The following OGFOD3 variants were observed in gnomAD, a reference collection of about 807,000 sequenced individuals.
The protein encoded by OGFOD3 is 2-oxoglutarate and iron dependent oxygenase domain containing 3, also known as 2-oxoglutarate and iron-dependent oxygenase domain-containing protein 3.
In OGFOD3, 35 loss-of-function variants were observed where a neutral mutation model predicts 39.8. That is an observed-to-expected ratio of 0.88 (90% CI 0.67 to 1.17). The LOEUF (loss-of-function observed/expected upper bound fraction) is 1.17. OGFOD3 is among the 50% of genes most tolerant of loss of function. The pLI is 0.00. For missense variants in OGFOD3, 438 were observed against 454.5 expected, an observed-to-expected ratio of 0.96 and a Z score of 0.33; for synonymous variants, 200 against 192.0, an observed-to-expected ratio of 1.04 and a Z score of -0.34.
intron 8 of OGFOD3, chr17:82,394,450 C>T (rs768281717): frequency 1.2e-6 from 2 of 1,613,828 alleles, no homozygotes; most frequent in African/African-American, 1.3e-5. Flanking sequence ...CCCCGGAGGA[C>T]ACCTGACTCC....
rs192232922 is a variant in OGFOD3 at position 82,393,973 on chromosome 17, C to T, written c.824-1439G>A. On this transcript the variant is annotated intron_variant, in intron 8 of 8. Coordinates refer to ENST00000313056, the MANE Select transcript of OGFOD3 (RefSeq NM_024648.3). The stretch of plus-strand genomic sequence containing the variant: ...GGCTCAGACGGAGATGAGATCAATA[C>T]GGGGCCAGAAAAGGACTTTTTTTTT... 7.9e-5 allele frequency: 12 copies of T among 152,688 alleles called. No homozygotes were observed. In the East Asian group the frequency reaches 1.7e-3, roughly 22 times the overall value. The allele number at this position is 152,688 out of a possible 1,614,324, so 9.5% of individuals were successfully genotyped here. A position where few individuals can be genotyped will look rare whatever the true frequency, so the allele number is the denominator to read the frequency against.
In OGFOD3 at chr17:82,415,046, G is replaced by A. The variant is rs1263203008; in HGVS notation, c.304+352C>T. ...AGCTGGGGCACAGGACGGCAGAAGGGCTGCTGGTCGTTTCTTGTTACATTT... is the reference window on the plus strand; with the variant it reads ...AGCTGGGGCACAGGACGGCAGAAGGACTGCTGGTCGTTTCTTGTTACATTT... On this transcript the variant is annotated intron_variant, in intron 2 of 8. Coordinates refer to ENST00000313056, the MANE Select transcript of OGFOD3 (RefSeq NM_024648.3). This position sits in a 1 kb window ranked among gnomAD's most constrained non-coding sequence, Gnocchi z 5.3. 1.3e-5 allele frequency among the ~76,000 whole-genome samples: 2 copies of A among 152,214 alleles called. No homozygotes were observed. Among genetic ancestry groups the A allele is most frequent in the African/African-American group, 4.8e-5 (2 of 41,442 alleles).
intron 7 of OGFOD3, among the ~76,000 whole-genome samples, chr17:82,400,073 G>A (rs1426938228): frequency 6.6e-6 from 1 of 152,180 alleles, no homozygotes; most frequent in African/African-American, 2.4e-5. Context: ...CCTCCTCTGA[G>A]TCCTCCTGGG....
rs146779679 is a variant in OGFOD3 at position 82,402,174 on chromosome 17, C to T, written c.699+1763G>A. 1.6e-4 allele frequency among the ~76,000 whole-genome samples: 24 copies of T among 152,224 alleles called. No homozygotes were observed. The East Asian group carries it at 4.1e-3, about 26-fold the overall frequency. ...TAAGGGCCAGGTGCGGTGGCTCACA[C>T]CTGTAATCCCAGCACTTTGGGAGGC... On this transcript the variant is annotated intron_variant, in intron 7 of 8. Coordinates refer to ENST00000313056, the MANE Select transcript of OGFOD3 (RefSeq NM_024648.3).
intron 2 of OGFOD3, 150 bp from the exon 3 acceptor site, chr17:82,411,680 G>C: frequency 6.5e-6 from 4 of 619,300 alleles, no homozygotes; most frequent in Non-Finnish European, 1.1e-5. Context: ...CATGCGCTTT[G>C]TGCGGTGCAT....
Position 82,418,523 on chromosome 17 carries a change from G to C in OGFOD3, c.-38C>G. On this transcript the variant is annotated 5_prime_UTR_variant, in exon 1 of 9. Transcript: ENST00000313056. The stretch of plus-strand genomic sequence containing the variant: ...CCGCGGAGCCGGGCCGGACGCGGGC[G>C]CCAGGCCCGGGGACGAACGCCGTAA... 1 of 1,239,166 alleles carries C rather than the reference G, an allele frequency of 8.1e-7. No individual in the cohort carries two copies. Among genetic ancestry groups the C allele is most frequent in the Non-Finnish European group, 1.0e-6 (1 of 967,516 alleles). The allele number at this position is 1,239,166 out of a possible 1,614,324, so 76.8% of individuals were successfully genotyped here.
chr17:82,406,299 G>C lies in OGFOD3; in HGVS notation c.488+119C>G. Reference sequence around the variant, plus strand: ...ACATCACAGCCACTGAGGCCCTGAGGCTGCACCGAGCCGGATCCTCCCTCA... The same window carrying C: ...ACATCACAGCCACTGAGGCCCTGAGCCTGCACCGAGCCGGATCCTCCCTCA... On this transcript the variant is annotated intron_variant, in intron 5 of 8. Transcript: ENST00000313056. The surrounding 1 kb of genome is among the most constrained non-coding windows in gnomAD (Gnocchi z 5.2). 1.1e-6 allele frequency: 1 copy of C among 896,908 alleles called. No homozygotes were observed. The highest frequency in any genetic ancestry group is 1.4e-5 in the South Asian group (1 of 71,694). The allele number at this position is 896,908 out of a possible 1,614,324, so 55.6% of individuals were successfully genotyped here. A position where few individuals can be genotyped will look rare whatever the true frequency, so the allele number is the denominator to read the frequency against.
chr17:82,395,539 C>A (rs557513292), intron 8 of OGFOD3, among the ~76,000 whole-genome samples: 8 of 152,082 alleles, frequency 5.3e-5, no homozygotes, highest in African/African-American at 1.9e-4. Context: ...AACTGCGACA[C>A]GGCCGGGCGT....
At position 82,404,724 on chromosome 17, in the gene OGFOD3, A is replaced by T. The variant is rs1480042020; in HGVS notation, c.545+600T>A. 8.2e-5 allele frequency among the ~76,000 whole-genome samples: 12 copies of T among 145,482 alleles called. No individual in the cohort carries two copies. The highest frequency in any genetic ancestry group is 2.6e-4 in the African/African-American group (10 of 39,082). ...TCTCAACCTGGGCTCCTCCAGCAGA[A>T]TTTTTTCTTTTCTTTTCTTTTTTTT... On this transcript the variant is annotated intron_variant, in intron 6 of 8. Transcript: ENST00000313056. The surrounding 1 kb of genome is among the most constrained non-coding windows in gnomAD (Gnocchi z 4.5).
intron 8 of OGFOD3, among the ~76,000 whole-genome samples, chr17:82,394,760 G>A (rs2052646509): frequency 6.6e-6 from 1 of 152,162 alleles, no homozygotes; most frequent in African/African-American, 2.4e-5. Flanking sequence ...ACTTATGGTG[G>A]GACGTGGGCC....
chr17:82,407,555 C>T (rs2052874975), intron 4 of OGFOD3, among the ~76,000 whole-genome samples: 1 of 152,230 alleles, frequency 6.6e-6, no homozygotes, highest in Non-Finnish European at 1.5e-5. Context: ...ACCCACCTCT[C>T]AGTCCTTCCC....
rs1388549518 is a variant in OGFOD3 at position 82,406,198 on chromosome 17, GC to G, written c.488+219del. 2.6e-5 allele frequency among the ~76,000 whole-genome samples: 4 copies of G among 152,054 alleles called. No individual in the cohort carries two copies. Among genetic ancestry groups the G allele is most frequent in the Non-Finnish European group, 1.5e-5 (1 of 68,026 alleles). Reference sequence around the variant, plus strand: ...GATTCCCCTAAAGCTTCATGAACAAGCCCCCTGCCCACAGGCTGTGGAGAGT... The same window carrying G: ...GATTCCCCTAAAGCTTCATGAACAAGCCCCTGCCCACAGGCTGTGGAGAGT... On this transcript the variant is annotated intron_variant, in intron 5 of 8. Coordinates refer to ENST00000313056, the MANE Select transcript of OGFOD3 (RefSeq NM_024648.3). The surrounding 1 kb of genome is among the most constrained non-coding windows in gnomAD (Gnocchi z 5.2).
In OGFOD3 at chr17:82,392,151, G is replaced by C. The variant is rs976525353; in HGVS notation, c.*247C>G. On this transcript the variant is annotated 3_prime_UTR_variant, in exon 9 of 9. Coordinates refer to ENST00000313056, the MANE Select transcript of OGFOD3 (RefSeq NM_024648.3). This position sits in a 1 kb window ranked among gnomAD's most constrained non-coding sequence, Gnocchi z 4.2. The stretch of plus-strand genomic sequence containing the variant: ...GGGGACTTGTGCCCCGTCCTGCTGG[G>C]TCCCTTTCCTGGCCTCCACCTCAGG... 12 of 565,210 alleles carry C rather than the reference G, an allele frequency of 2.1e-5. No individual in the cohort carries two copies. The highest frequency in any genetic ancestry group is 2.8e-5 in the Non-Finnish European group (9 of 319,616). The allele number at this position is 565,210 out of a possible 1,614,324, so 35.0% of individuals were successfully genotyped here.
chr17:82,416,209 C>A (rs1308867621), intron 1 of OGFOD3, among the ~76,000 whole-genome samples: 1 of 152,214 alleles, frequency 6.6e-6, no homozygotes, highest in Non-Finnish European at 1.5e-5. Context: ...GCACTCCAGC[C>A]TGGGCAACAA....
Position 82,404,398 on chromosome 17 carries a change from G to A in OGFOD3, c.546-308C>T, listed in dbSNP as rs1335759542. On this transcript the variant is annotated intron_variant, in intron 6 of 8. Coordinates refer to ENST00000313056, the MANE Select transcript of OGFOD3 (RefSeq NM_024648.3). This position sits in a 1 kb window ranked among gnomAD's most constrained non-coding sequence, Gnocchi z 4.5. ...CAGGCCCCAGATGCCAGAGCCTCCA[G>A]GCTTCACTTGCAGGGCCTGGAGCCC... 1.3e-5 allele frequency among the ~76,000 whole-genome samples: 2 copies of A among 152,240 alleles called. No individual in the cohort carries two copies. Among genetic ancestry groups the A allele is most frequent in the African/African-American group, 4.8e-5 (2 of 41,472 alleles).
At chr17:82,397,031 G>A (rs2052683606) in intron 8 of OGFOD3, among the ~76,000 whole-genome samples, 1 of 152,196 alleles carries the variant, frequency 6.6e-6, no homozygotes, top group Non-Finnish European at 1.5e-5. Context: ...AGCAGCTGAG[G>A]GAGGCAGGAT....
At chr17:82,402,614 G>A (rs778101299) in intron 7 of OGFOD3, among the ~76,000 whole-genome samples, 7 of 151,920 alleles carry the variant, frequency 4.6e-5, no homozygotes, top group Non-Finnish European at 1.0e-4. Flanking sequence ...GAGCGTGGTG[G>A]CATGTGCCTG....
chr17:82,401,812 A>AAAAAAAAAAAAAAAAAAAAAC (rs2052770024), intron 7 of OGFOD3, among the ~76,000 whole-genome samples: 1 of 149,456 alleles, frequency 6.7e-6, no homozygotes, highest in Non-Finnish European at 1.5e-5. Context: ...TCAAAAAAAA[A>AAAAAAAAAAAAAAAAAAAAAC]AAAAAAAAAA....
chr17:82,410,586 G>A (rs1031471416), intron 3 of OGFOD3, among the ~76,000 whole-genome samples: 6 of 152,234 alleles, frequency 3.9e-5, no homozygotes, highest in African/African-American at 4.8e-5. Context: ...CCCCAGAGGC[G>A]GCCACAACCC....
Sources: allele counts gnomAD v4.1 joint callset (sites outside exome capture counted in the v4.1 genomes callset), GRCh38; gene constraint gnomAD v4.1.1; non-coding constraint Gnocchi (gnomAD v3.1); transcripts MANE v1.5; gene names NCBI Gene and HGNC (gene_info 2026-07-23, HGNC 2026-07-21).